Variants in LRRC4B observed in about 807,000 individuals in gnomAD.
LRRC4B encodes leucine rich repeat containing 4B, also known as leucine-rich repeat-containing protein 4B.
In LRRC4B, 1 loss-of-function variant was observed where a neutral mutation model predicts 7.3. The ratio of observed to expected loss-of-function variants is 0.14; its 90% CI spans 0.05 to 0.65. LRRC4B has a LOEUF of 0.65. Ranked by LOEUF, LRRC4B falls within the 30% of genes least tolerant of loss-of-function variation. The pLI, the probability that LRRC4B is intolerant of heterozygous loss-of-function variation, is 0.84. For synonymous variants in LRRC4B, 500 were observed against 499.2 expected, an observed-to-expected ratio of 1.00 and a Z score of -0.02; for missense variants, 730 against 1,041.6, an observed-to-expected ratio of 0.70 and a Z score of 4.12.
In LRRC4B at chr19:50,517,430, T is replaced by G; in HGVS notation, c.*141A>C. The G allele has an allele frequency of 1.4e-6, 1 of 729,598 alleles. No individual in the cohort carries two copies. The highest frequency in any genetic ancestry group is 5.4e-5 in the South Asian group (1 of 18,546). The allele number at this position is 729,598 out of a possible 1,614,324, so 45.2% of individuals were successfully genotyped here. A position where few individuals can be genotyped will look rare whatever the true frequency, so the allele number is the denominator to read the frequency against. ...TGGGGGTCCGAGCCCCAGATGGGGCTGGAAGCCACCTCTCCCCAATTCCCT... is the reference window on the plus strand; with the variant it reads ...TGGGGGTCCGAGCCCCAGATGGGGCGGGAAGCCACCTCTCCCCAATTCCCT... On this transcript the variant is annotated 3_prime_UTR_variant, in exon 3 of 3. Coordinates refer to ENST00000652263, the MANE Select transcript of LRRC4B (RefSeq NM_001080457.2). This position sits in a 1 kb window ranked among gnomAD's most constrained non-coding sequence, Gnocchi z 6.6.
At chr19:50,521,496 C>T (rs894847589) in intron 2 of LRRC4B, among the ~76,000 whole-genome samples, 3 of 152,152 alleles carry the variant, frequency 2.0e-5, no homozygotes, top group African/African-American at 7.2e-5. Flanking sequence ...TGCACAATCT[C>T]GGCTCACTGT....
In LRRC4B at chr19:50,518,074, G is replaced by A; in HGVS notation, c.1639C>T (p.Arg547Trp). 2 of 1,591,216 alleles carry A rather than the reference G, an allele frequency of 1.3e-6. No individual in the cohort carries two copies. The highest frequency in any genetic ancestry group is 1.7e-6 in the Non-Finnish European group (2 of 1,171,692). Residue 547 changes from arginine (R) to tryptophan (W), a missense_variant, in exon 3 of 3, where the codon CGG becomes TGG. Around this residue, in one of 6 missense-constraint regions of LRRC4B, gnomAD observed 192 missense variants for 228.6 expected, o/e 0.84. Transcript: ENST00000652263. ...STTAPAPRSS[R>W]PTEKAFTVPI... ...ACCGTGAACGCCTTCTCCGTGGGCC[G>A]CGAGGAGCGCGGGGCGGGTGCCGTG...
rs1203241993 is a variant in LRRC4B, at chr19:50,539,747, C to T, written c.297+8795G>A. ...ACCAAAAATACAAAAATCAGCAGGG[C>T]GTGGTGGCAGGTGCCTGTAGTCCCA... On this transcript the variant is annotated intron_variant, in intron 2 of 2. Coordinates refer to ENST00000652263, the MANE Select transcript of LRRC4B (RefSeq NM_001080457.2). 3.3e-5 allele frequency among the ~76,000 whole-genome samples: 5 copies of T among 151,662 alleles called. No individual in the cohort carries two copies. In the South Asian group the frequency reaches 6.3e-4, roughly 19 times the overall value.
chr19:50,532,523 C>G (rs1396486857), intron 2 of LRRC4B, among the ~76,000 whole-genome samples: 1 of 152,222 alleles, frequency 6.6e-6, no homozygotes, highest in African/African-American at 2.4e-5. Flanking sequence ...TCCAGCCTCT[C>G]TGCCTTTGCA....
intron 1 of LRRC4B, among the ~76,000 whole-genome samples, chr19:50,560,711 A>G (rs565034667): frequency 1.3e-5 from 2 of 152,336 alleles, no homozygotes; most frequent in African/African-American, 4.8e-5. Flanking sequence ...CTGTGAAGAT[A>G]ATGACACCTA....
chr19:50,530,616 AGCCTTGC>A (rs1981013304), intron 2 of LRRC4B, among the ~76,000 whole-genome samples: 1 of 152,198 alleles, frequency 6.6e-6, no homozygotes, highest in African/African-American at 2.4e-5. Context: ...TCACAACGTC[AGCCTTGC>A]GAGCTGCTCT....
At chr19:50,551,341 C>T (rs964292844) in intron 1 of LRRC4B, among the ~76,000 whole-genome samples, 22 of 151,382 alleles carry the variant, frequency 1.5e-4, no homozygotes, top group African/African-American at 4.6e-4. Context: ...TGGGTCTCCC[C>T]GCGCCCCCCC....
chr19:50,567,588 A>G (rs1238092078), intron 1 of LRRC4B, among the ~76,000 whole-genome samples: 1 of 145,492 alleles, frequency 6.9e-6, no homozygotes, highest in Non-Finnish European at 1.5e-5. Flanking sequence ...CCGCCCCAGA[A>G]AGGGGGGCCC....
At chr19:50,551,363 C>T (rs908285374) in intron 1 of LRRC4B, among the ~76,000 whole-genome samples, 6 of 151,318 alleles carry the variant, frequency 4.0e-5, no homozygotes, top group Non-Finnish European at 7.4e-5. Context: ...ACTGGCCTGT[C>T]GCCCTTCCCA....
intron 2 of LRRC4B, among the ~76,000 whole-genome samples, chr19:50,534,176 GAC>G (rs1392129756): frequency 6.6e-6 from 1 of 152,198 alleles, no homozygotes; most frequent in Non-Finnish European, 1.5e-5. Context: ...GAAGAAGAGA[GAC>G]ACTAAACAAA....
In LRRC4B at chr19:50,517,835, G is replaced by T; in HGVS notation, c.1878C>A (p.Ala626=). Reference sequence around the variant, plus strand: ...CGGCGGCCACGGACACGGCCGAGGCGGCGGGCAGCTCGTCCTCCACGTTGA... The same window carrying T: ...CGGCGGCCACGGACACGGCCGAGGCTGCGGGCAGCTCGTCCTCCACGTTGA... ...EIINVEDELP[A]ASAVSVAAAA... is the part of the protein sequence containing the mutation. The change falls in exon 3 of 3, where the codon GCC becomes GCA. Residue 626 remains alanine, a synonymous_variant. Coordinates refer to ENST00000652263, the MANE Select transcript of LRRC4B (RefSeq NM_001080457.2). The surrounding 1 kb of genome is among the most constrained non-coding windows in gnomAD (Gnocchi z 6.6). 2 of 1,580,370 alleles carry T rather than the reference G, an allele frequency of 1.3e-6. No homozygotes were observed. Among genetic ancestry groups the T allele is most frequent in the Non-Finnish European group, 1.7e-6 (2 of 1,167,738 alleles).
Position 50,548,407 on chromosome 19 carries a change from G to C in LRRC4B, c.297+135C>G. ...GCCCGGCTCCAGCTGATAGGATGCA[G>C]ACCCGCAGGCCACATCCACAGGTGC... On this transcript the variant is annotated intron_variant, in intron 2 of 2. Coordinates refer to ENST00000652263, the MANE Select transcript of LRRC4B (RefSeq NM_001080457.2). The surrounding 1 kb of genome is among the most constrained non-coding windows in gnomAD (Gnocchi z 6.8). 1 of 1,257,956 alleles carries C rather than the reference G, an allele frequency of 7.9e-7. No individual in the cohort carries two copies. Among genetic ancestry groups the C allele is most frequent in the Non-Finnish European group, 1.1e-6 (1 of 913,638 alleles). The allele number at this position is 1,257,956 out of a possible 1,614,324, so 77.9% of individuals were successfully genotyped here.
chr19:50,543,315 A>G (rs551079850), intron 2 of LRRC4B, among the ~76,000 whole-genome samples: 2 of 145,718 alleles, frequency 1.4e-5, no homozygotes, highest in Non-Finnish European at 3.0e-5. Context: ...GCCGCTACCA[A>G]TGCTCCAGTG....
intron 1 of LRRC4B, among the ~76,000 whole-genome samples, chr19:50,551,778 CTCTG>C (rs1047664330): frequency 7.2e-5 from 11 of 151,780 alleles, no homozygotes; most frequent in Non-Finnish European, 1.2e-4. Context: ...TTCTCCCCGG[CTCTG>C]TCTGTCTCTC....
chr19:50,560,651 G>A (rs151231966), intron 1 of LRRC4B, among the ~76,000 whole-genome samples: 147 of 152,202 alleles, frequency 9.7e-4, no homozygotes, highest in Non-Finnish European at 1.4e-3. Flanking sequence ...TTGAAACTCT[G>A]GCTGGCCACT....
chr19:50,534,278 C>T (rs971620198), intron 2 of LRRC4B, among the ~76,000 whole-genome samples: 1 of 152,176 alleles, frequency 6.6e-6, no homozygotes, highest in Non-Finnish European at 1.5e-5. Flanking sequence ...CCTGGGGCCC[C>T]TCCAAGGCCT....
chr19:50,536,882 G>A (rs954678611), intron 2 of LRRC4B, among the ~76,000 whole-genome samples: 1 of 152,268 alleles, frequency 6.6e-6, no homozygotes, highest in African/African-American at 2.4e-5. Flanking sequence ...AGCTGGGAGC[G>A]CCAGGCATAC....
In LRRC4B at chr19:50,541,368, C is replaced by CAAAA. The variant is rs71332010; in HGVS notation, c.297+7170_297+7173dup. ...GACAGAGTGAAGCAAGACTCTATCT[C>CAAAA]AAAAAAAAAAAAAAAAGAAAAAGAA... is the stretch of plus-strand genomic sequence containing the variant. On this transcript the variant is annotated intron_variant, in intron 2 of 2. Transcript: ENST00000652263. 4.7e-4 allele frequency among the ~76,000 whole-genome samples: 35 copies of CAAAA among 75,000 alleles called. 1 individual carries two copies. Among genetic ancestry groups the CAAAA allele is most frequent in the African/African-American group, 1.9e-3 (31 of 16,174 alleles). The allele number at this position is 75,000 out of a possible 152,430, so 49.2% of individuals were successfully genotyped here. A position where few individuals can be genotyped will look rare whatever the true frequency, so the allele number is the denominator to read the frequency against.
At chr19:50,554,751 G>A (rs1481539947) in intron 1 of LRRC4B, among the ~76,000 whole-genome samples, 1 of 152,236 alleles carries the variant, frequency 6.6e-6, no homozygotes, top group African/African-American at 2.4e-5. Context: ...TCAACCCTCT[G>A]AGAGAAGACT....
Sources: allele counts gnomAD v4.1 joint callset (sites outside exome capture counted in the v4.1 genomes callset), GRCh38; gene constraint gnomAD v4.1.1; regional missense constraint gnomAD v4.1.1; non-coding constraint Gnocchi (gnomAD v3.1); transcripts MANE v1.5; gene names NCBI Gene and HGNC (gene_info 2026-07-23, HGNC 2026-07-21).